Variants in EIF2B3 observed in about 807,000 individuals in gnomAD.
EIF2B3 encodes the protein eukaryotic translation initiation factor 2B subunit gamma.
A neutral mutation model predicts 54.1 loss-of-function variants in EIF2B3; 20 were observed. The ratio of observed to expected loss-of-function variants is 0.37; its 90% CI spans 0.26 to 0.54. EIF2B3 has a LOEUF of 0.54. EIF2B3 is among the 20% of genes least tolerant of loss of function. The pLI is 0.86. For synonymous variants in EIF2B3, 153 were observed against 188.1 expected, an observed-to-expected ratio of 0.81 and a Z score of 1.52; for missense variants, 448 against 547.8, an observed-to-expected ratio of 0.82 and a Z score of 1.82.
chr1:44,915,265 A>T (rs999439698), intron 5 of EIF2B3, among the ~76,000 whole-genome samples: 1 of 151,278 alleles, frequency 6.6e-6, no homozygotes, highest in Admixed American at 6.6e-5. Context: ...GTGCCGCTGC[A>T]CTCCAGTCTG....
At chr1:44,926,991 C>G (rs1296861849) in intron 4 of EIF2B3, among the ~76,000 whole-genome samples, 1 of 151,940 alleles carries the variant, frequency 6.6e-6, no homozygotes, top group Non-Finnish European at 1.5e-5. Flanking sequence ...AAAAATTAGC[C>G]GAGTGTGGTG....
intron 5 of EIF2B3, among the ~76,000 whole-genome samples, chr1:44,921,336 G>C (rs1569730498): frequency 1.3e-5 from 2 of 152,080 alleles, no homozygotes; most frequent in Admixed American, 6.6e-5. Flanking sequence ...TCATTCTGTG[G>C]GTTGTCTCTT....
chr1:44,877,024 C>T (rs1286816414), intron 8 of EIF2B3, among the ~76,000 whole-genome samples: 2 of 150,156 alleles, frequency 1.3e-5, no homozygotes, highest in Non-Finnish European at 1.5e-5. Flanking sequence ...CATCACCACT[C>T]CCTGATCTTA....
At chr1:44,914,485 A>T (rs1643581236) in intron 5 of EIF2B3, among the ~76,000 whole-genome samples, 2 of 152,160 alleles carry the variant, frequency 1.3e-5, no homozygotes, top group Admixed American at 1.3e-4. Context: ...AATACAGAAA[A>T]GTACAAAGAA....
chr1:44,919,983 G>T (rs1232966545), intron 5 of EIF2B3, among the ~76,000 whole-genome samples: 1 of 147,894 alleles, frequency 6.8e-6, no homozygotes, highest in Non-Finnish European at 1.5e-5. Context: ...GCCTCCCAAA[G>T]TGCTGGGATT....
chr1:44,944,031 C>A (rs1220700609), intron 3 of EIF2B3, among the ~76,000 whole-genome samples: 1 of 152,042 alleles, frequency 6.6e-6, no homozygotes, highest in African/African-American at 2.4e-5. Flanking sequence ...ATAGTCCCAG[C>A]TACTCGGGAG....
chr1:44,870,364 C>A (rs1332803624), intron 10 of EIF2B3, among the ~76,000 whole-genome samples: 1 of 152,158 alleles, frequency 6.6e-6, no homozygotes, highest in Non-Finnish European at 1.5e-5. Context: ...CAGACCTTGT[C>A]TCCCACAAAT....
Position 44,875,697 on chromosome 1 carries a change from T to TTAA in EIF2B3, c.976-5_976-3dup. 1 of 1,614,046 alleles carries TTAA rather than the reference T, an allele frequency of 6.2e-7. No homozygotes were observed. Among genetic ancestry groups the TTAA allele is most frequent in the Non-Finnish European group, 8.5e-7 (1 of 1,179,916 alleles). On this transcript the variant is annotated splice_region_variant and splice_polypyrimidine_tract_variant and intron_variant, in intron 8 of 11. Transcript: ENST00000360403. ...GAGAGCAGACAGCAATTTGGGCACC[T>TTAA]TAAGGACAGAGATTTGGTCACTAAA...
chr1:44,922,193 C>T (rs1212628183), intron 5 of EIF2B3, among the ~76,000 whole-genome samples: 6 of 151,476 alleles, frequency 4.0e-5, no homozygotes, highest in Non-Finnish European at 8.8e-5. Context: ...GAATTACAGG[C>T]GTGAGCCACC....
chr1:44,980,990 T>C (rs367658756), intron 2 of EIF2B3, 31 bp downstream of exon 2: 27 of 1,613,670 alleles, frequency 1.7e-5, no homozygotes, highest in Non-Finnish European at 2.1e-5. Context: ...AAAAGTTTTA[T>C]GAGTTCACAG....
At position 44,948,599 on chromosome 1, in the gene EIF2B3, T is replaced by C. The variant is rs547256870; in HGVS notation, c.295-6934A>G. 2.0e-5 allele frequency among the ~76,000 whole-genome samples: 3 copies of C among 152,122 alleles called. No individual in the cohort carries two copies. In the South Asian group the frequency reaches 6.2e-4, roughly 32 times the overall value. ...AATATGATATGCTCTTTATATAATA[T>C]ATATAAAGATAGACATTTAAAAAGG... On this transcript the variant is annotated intron_variant, in intron 3 of 11. Coordinates refer to ENST00000360403, the MANE Select transcript of EIF2B3 (RefSeq NM_020365.5).
chr1:44,967,407 A>AC (rs1420528100), intron 3 of EIF2B3, among the ~76,000 whole-genome samples: 2 of 146,556 alleles, frequency 1.4e-5, no homozygotes, highest in Admixed American at 6.9e-5. Context: ...AGATCCCACC[A>AC]CTGCACTCCA....
chr1:44,942,527 A>G (rs1170429768), intron 3 of EIF2B3, among the ~76,000 whole-genome samples: 1 of 143,112 alleles, frequency 7.0e-6, no homozygotes, highest in Non-Finnish European at 1.5e-5. Context: ...TGCCAGGCTC[A>G]AGTCATCCTC....
At chr1:44,979,267 A>C (rs189977146) in intron 2 of EIF2B3, among the ~76,000 whole-genome samples, 49 of 151,696 alleles carry the variant, frequency 3.2e-4, no homozygotes, top group Middle Eastern at 3.4e-3. Flanking sequence ...AACAAACAAA[A>C]AAAAACCTCA....
intron 6 of EIF2B3, among the ~76,000 whole-genome samples, chr1:44,888,473 ATCTC>A (rs3044260): frequency 2.3e-3 from 329 of 144,336 alleles, no homozygotes; most frequent in East Asian, 8.1e-3. Flanking sequence ...TGGCTTCTCA[ATCTC>A]TCTCTCTCTC....
intron 3 of EIF2B3, among the ~76,000 whole-genome samples, chr1:44,955,551 A>G (rs976376957): frequency 6.6e-6 from 1 of 152,220 alleles, no homozygotes; most frequent in African/African-American, 2.4e-5. Context: ...TGCATAGCAA[A>G]AGAAACTATC....
chr1:44,950,721 C>T (rs1297941502), intron 3 of EIF2B3, among the ~76,000 whole-genome samples: 2 of 152,072 alleles, frequency 1.3e-5, no homozygotes, highest in Non-Finnish European at 2.9e-5. Context: ...AAGAGTCTTG[C>T]TCTATCGCCC....
chr1:44,977,322 G>T (rs1213745718), intron 3 of EIF2B3, among the ~76,000 whole-genome samples: 1 of 152,122 alleles, frequency 6.6e-6, no homozygotes, highest in Non-Finnish European at 1.5e-5. Flanking sequence ...TACATGGGAG[G>T]TCTATGAATT....
chr1:44,899,533 C>G (rs1243779494), intron 5 of EIF2B3, among the ~76,000 whole-genome samples: 1 of 152,146 alleles, frequency 6.6e-6, no homozygotes, highest in Non-Finnish European at 1.5e-5. Flanking sequence ...AGACACTTCT[C>G]AAAAGAAGAC....
Sources: gnomAD v4.1 joint callset for allele counts (sites outside exome capture counted in the v4.1 genomes callset) on GRCh38, gnomAD v4.1.1 for gene constraint, MANE v1.5 for transcripts, NCBI Gene and HGNC (gene_info 2026-07-23, HGNC 2026-07-21) for gene names.